Variants in MSRA observed in about 807,000 individuals in gnomAD.
MSRA encodes the protein methionine sulfoxide reductase A.
In MSRA, 54 loss-of-function variants were observed where a neutral mutation model predicts 31.3. The ratio of observed to expected loss-of-function variants is 1.73; its 90% CI spans 1.39 to 2.17. The LOEUF is 2.17. MSRA is among the 30% of genes most tolerant of loss of function. The probability of loss-of-function intolerance (pLI) is 0.00; values close to 1 mark genes in which losing one functional copy is unlikely to be tolerated. For synonymous variants in MSRA, 169 were observed against 116.5 expected (o/e 1.45, Z -2.90); for missense variants, 507 against 300.9 (o/e 1.69, Z -5.07).
At chr8:10,258,869 G>T (rs1394738759) in intron 3 of MSRA, among the ~76,000 whole-genome samples, 3 of 152,188 alleles carry the variant, frequency 2.0e-5, no homozygotes, top group African/African-American at 4.8e-5. Flanking sequence ...CACTTTGGGA[G>T]GCCAAGGCGG....
At chr8:10,127,774 A>G (rs903663268) in intron 1 of MSRA, among the ~76,000 whole-genome samples, 2 of 152,262 alleles carry the variant, frequency 1.3e-5, no homozygotes, top group East Asian at 1.9e-4. Flanking sequence ...TTAAAATGCC[A>G]GAGTTTGAAT....
At chr8:10,102,650 G>A (rs1228643346) in intron 1 of MSRA, among the ~76,000 whole-genome samples, 1 of 152,192 alleles carries the variant, frequency 6.6e-6, no homozygotes, top group Non-Finnish European at 1.5e-5. Flanking sequence ...TTCTTGGTAT[G>A]ATAAATGATT....
intron 3 of MSRA, among the ~76,000 whole-genome samples, chr8:10,271,832 C>G (rs2129100857): frequency 6.6e-6 from 1 of 151,782 alleles, no homozygotes; most frequent in Non-Finnish European, 1.5e-5. Flanking sequence ...GACTCTCTTG[C>G]CTCAGCCTCT....
At chr8:10,346,373 T>A (rs2129154682) in intron 5 of MSRA, among the ~76,000 whole-genome samples, 2 of 152,226 alleles carry the variant, frequency 1.3e-5, no homozygotes, top group East Asian at 3.9e-4. Flanking sequence ...GGCTGCTGGT[T>A]CCCCACTCTC....
intron 3 of MSRA, among the ~76,000 whole-genome samples, chr8:10,245,881 A>G (rs1050634371): frequency 6.6e-5 from 10 of 152,244 alleles, no homozygotes; most frequent in Admixed American, 2.0e-4. Flanking sequence ...AGGCAAGGAT[A>G]TAGGAGGTAT....
At chr8:10,181,153 T>G (rs10085917) in intron 1 of MSRA, among the ~76,000 whole-genome samples, 3 of 151,938 alleles carry the variant, frequency 2.0e-5, no homozygotes, top group Admixed American at 2.0e-4. Context: ...GAACATAACC[T>G]GTAAGCAGAT....
chr8:10,409,759 A>G (rs1049058324), intron 5 of MSRA, among the ~76,000 whole-genome samples: 7 of 152,248 alleles, frequency 4.6e-5, no homozygotes, highest in African/African-American at 1.7e-4. Flanking sequence ...AATAGACTCA[A>G]TCAAGATATT....
chr8:10,145,257 AAAC>A (rs1270785849), intron 1 of MSRA, among the ~76,000 whole-genome samples: 1 of 152,210 alleles, frequency 6.6e-6, no homozygotes, highest in Non-Finnish European at 1.5e-5. Flanking sequence ...TCCTTAAGAC[AAAC>A]AATAGGAATA....
chr8:10,137,262 T>C (rs994090499), intron 1 of MSRA, among the ~76,000 whole-genome samples: 2 of 152,212 alleles, frequency 1.3e-5, no homozygotes, highest in Admixed American at 1.3e-4. Context: ...TTTTAAAAAA[T>C]TGGTTTTCTG....
At chr8:10,407,291 C>T (rs902961657) in intron 5 of MSRA, among the ~76,000 whole-genome samples, 9 of 152,212 alleles carry the variant, frequency 5.9e-5, no homozygotes, top group Non-Finnish European at 8.8e-5. Context: ...CTTTCATCAG[C>T]TCCCCTGGGT....
At chr8:10,078,514 C>A (rs1016764402) in intron 1 of MSRA, among the ~76,000 whole-genome samples, 1 of 152,220 alleles carries the variant, frequency 6.6e-6, no homozygotes, top group African/African-American at 2.4e-5. Flanking sequence ...GGTGGGTCAT[C>A]TGACCCTTTC....
intron 5 of MSRA, chr8:10,411,356 C>G (rs956393985): frequency 6.6e-6 from 1 of 152,230 alleles, no homozygotes. Flanking sequence ...TCTTTTCTCT[C>G]TGTCTTGAGC....
intron 2 of MSRA, among the ~76,000 whole-genome samples, chr8:10,234,993 T>G (rs963258711): frequency 6.6e-6 from 1 of 152,084 alleles, no homozygotes; most frequent in East Asian, 1.9e-4. Context: ...TAATTGAATC[T>G]CTAAGAATCA....
At chr8:10,115,972 A>T (rs1800648739) in intron 1 of MSRA, among the ~76,000 whole-genome samples, 1 of 152,152 alleles carries the variant, frequency 6.6e-6, no homozygotes, top group Non-Finnish European at 1.5e-5. Context: ...CGTCCCCTTC[A>T]CCTCCCACTT....
intron 1 of MSRA, among the ~76,000 whole-genome samples, chr8:10,171,006 C>T (rs773975386): frequency 2.0e-5 from 3 of 152,170 alleles, no homozygotes; most frequent in African/African-American, 4.8e-5. Context: ...GCTCTTGATC[C>T]GAGGGGAAAG....
At chr8:10,415,433 G>T (rs1163303654) in intron 5 of MSRA, among the ~76,000 whole-genome samples, 1 of 152,182 alleles carries the variant, frequency 6.6e-6, no homozygotes, top group Admixed American at 6.5e-5. Flanking sequence ...TGCTGTCTTT[G>T]CCTGGGTTCA....
At chr8:10,283,822 TATATATATATATATACACACAC>T (rs1182163491) in intron 3 of MSRA, among the ~76,000 whole-genome samples, 8 of 72,282 alleles carry the variant, frequency 1.1e-4, no homozygotes, top group Admixed American at 6.9e-4. Flanking sequence ...TATATATATA[TATATATATATATATACACACAC>T]ACACACACAC....
chr8:10,318,972 G>A (rs17707553), intron 4 of MSRA, among the ~76,000 whole-genome samples: 18,371 of 152,110 alleles, frequency 0.12, 1,174 homozygotes, highest in South Asian at 0.17. Flanking sequence ...CACCCTTGGC[G>A]CCCACCTGCT....
chr8:10,198,106 T>A (rs1010731622), intron 1 of MSRA, among the ~76,000 whole-genome samples: 2 of 152,214 alleles, frequency 1.3e-5, no homozygotes, highest in African/African-American at 4.8e-5. Flanking sequence ...TTTTCAAGCG[T>A]TGCTTTCAGT....
Sources: allele counts gnomAD v4.1 joint callset (sites outside exome capture counted in the v4.1 genomes callset), GRCh38; gene constraint gnomAD v4.1.1; transcripts MANE v1.5; gene names NCBI Gene and HGNC (gene_info 2026-07-23, HGNC 2026-07-21).